The following MORC1 variants were observed in gnomAD, a reference collection of about 807,000 sequenced individuals.
The protein encoded by MORC1 is MORC family CW-type zinc finger 1.
MORC1 carries 59 observed loss-of-function variants against 134.9 expected under a neutral mutation model. That is an observed-to-expected ratio of 0.44 (90% confidence interval 0.35 to 0.54). MORC1 has a LOEUF of 0.54. Among genes scored for constraint, MORC1 ranks in the 20% least tolerant of loss-of-function variants. The pLI, the probability that MORC1 is intolerant of heterozygous loss-of-function variation, is 0.00. For missense variants in MORC1, 947 were observed against 1,134.5 expected (o/e 0.83, Z 2.37); for synonymous variants, 395 against 391.7 (o/e 1.01, Z -0.10).
intron 1 of MORC1, among the ~76,000 whole-genome samples, chr3:109,116,829 G>A (rs1285391025): frequency 6.6e-6 from 1 of 152,116 alleles, no homozygotes; most frequent in Admixed American, 6.5e-5. Context: ...TCTTCCATTT[G>A]TATCTAATTT....
rs1659659284 is a variant in MORC1 at position 108,958,855 on chromosome 3, A to T, written c.*110T>A. Reference sequence around the variant, plus strand: ...TGAAAAAAATTATTTCTTATTTCTTATTGTTAAACAGAATAGACTTTACAG... The same window carrying T: ...TGAAAAAAATTATTTCTTATTTCTTTTTGTTAAACAGAATAGACTTTACAG... On this transcript the variant is annotated 3_prime_UTR_variant, in exon 28 of 28. Transcript: ENST00000232603. The T allele has an allele frequency of 3.1e-6, 2 of 655,624 alleles. No homozygotes were observed. Among genetic ancestry groups the T allele is most frequent in the Admixed American group, 3.2e-5 (1 of 31,380 alleles). The allele number at this position is 655,624 out of a possible 1,614,324, so 40.6% of individuals were successfully genotyped here.
intron 23 of MORC1, among the ~76,000 whole-genome samples, chr3:108,983,981 G>T (rs949306616): frequency 1.3e-5 from 2 of 152,220 alleles, no homozygotes; most frequent in East Asian, 1.9e-4. Flanking sequence ...AGGAGTTTGT[G>T]ACTTACCTTA....
intron 14 of MORC1, among the ~76,000 whole-genome samples, chr3:109,041,610 A>G (rs1044634108): frequency 1.3e-5 from 2 of 152,112 alleles, no homozygotes; most frequent in Non-Finnish European, 2.9e-5. Context: ...GCACTTTCAG[A>G]GGCCAAGGCG....
intron 20 of MORC1, among the ~76,000 whole-genome samples, chr3:109,003,689 T>C (rs995067636): frequency 6.6e-6 from 1 of 152,198 alleles, no homozygotes; most frequent in East Asian, 1.9e-4. Flanking sequence ...TATAAAACTT[T>C]ACATTCAAGT....
intron 3 of MORC1, among the ~76,000 whole-genome samples, chr3:109,107,677 T>C (rs1000327095): frequency 6.6e-6 from 1 of 152,226 alleles, no homozygotes; most frequent in Non-Finnish European, 1.5e-5. Context: ...CAATCTTAGA[T>C]TAACTTTGTA....
chr3:109,094,784 T>C, intron 7 of MORC1, 125 bp downstream of exon 7: 1 of 873,328 alleles, frequency 1.1e-6, no homozygotes, highest in Non-Finnish European at 1.6e-6. Context: ...AATAAATGAC[T>C]GTCCCCAGTG....
intron 17 of MORC1, among the ~76,000 whole-genome samples, chr3:109,011,700 T>C (rs535823554): frequency 3.9e-5 from 6 of 152,260 alleles, no homozygotes; most frequent in East Asian, 3.9e-4. Flanking sequence ...TTTGTATTTT[T>C]AGCAGAGACG....
intron 14 of MORC1, among the ~76,000 whole-genome samples, chr3:109,045,892 C>T (rs549878900): frequency 1.9e-4 from 29 of 152,282 alleles, no homozygotes; most frequent in Admixed American, 3.3e-4. Context: ...CCTCATTTGA[C>T]ATGGCCATGT....
At chr3:109,065,989 G>C (rs942581252) in intron 9 of MORC1, among the ~76,000 whole-genome samples, 2 of 152,036 alleles carry the variant, frequency 1.3e-5, no homozygotes, top group African/African-American at 4.8e-5. Context: ...ATAAACATGA[G>C]AACAACAGAC....
intron 26 of MORC1, among the ~76,000 whole-genome samples, chr3:108,966,043 T>C (rs1209093877): frequency 1.3e-5 from 2 of 152,178 alleles, no homozygotes; most frequent in Non-Finnish European, 2.9e-5. Context: ...GGTAACACTT[T>C]TGACAACTTT....
intron 8 of MORC1, among the ~76,000 whole-genome samples, chr3:109,088,240 T>C (rs1022763635): frequency 2.6e-5 from 4 of 152,090 alleles, no homozygotes; most frequent in African/African-American, 9.7e-5. Flanking sequence ...CTAATTAAAC[T>C]TAAGAGTTTC....
chr3:109,074,732 T>C (rs1950384254), intron 8 of MORC1, among the ~76,000 whole-genome samples: 1 of 152,218 alleles, frequency 6.6e-6, no homozygotes, highest in Non-Finnish European at 1.5e-5. Context: ...TTATTTGCTA[T>C]GTACCAGACA....
chr3:109,105,334 C>T (rs1951008377), intron 3 of MORC1, among the ~76,000 whole-genome samples: 1 of 152,178 alleles, frequency 6.6e-6, no homozygotes, highest in Admixed American at 6.5e-5. Flanking sequence ...ACCATCCTGG[C>T]CAACATGGTG....
At chr3:109,077,196 T>C (rs9848269) in intron 8 of MORC1, among the ~76,000 whole-genome samples, 23 of 152,232 alleles carry the variant, frequency 1.5e-4, no homozygotes, top group Non-Finnish European at 1.3e-4. Flanking sequence ...ATAAAGACAC[T>C]TGTAGAGATA....
rs373728098 is a variant in MORC1, at chr3:109,061,422, ATTG to A, written c.966+563_966+565del. ...TTTAACTTATCTTACTCATGGGCAT[ATTG>A]TTAAGAATTACAAAGAATGTTTATG... On this transcript the variant is annotated intron_variant, in intron 11 of 27. Coordinates refer to ENST00000232603, the MANE Select transcript of MORC1 (RefSeq NM_014429.4). Among the ~76,000 whole-genome samples, 780 of 152,312 alleles carry A rather than the reference ATTG, an allele frequency of 5.1e-3. 4 individuals carry two copies. Among genetic ancestry groups the A allele is most frequent in the Non-Finnish European group, 8.7e-3 (592 of 68,022 alleles).
chr3:109,029,297 T>C (rs1949177076), intron 16 of MORC1, among the ~76,000 whole-genome samples: 1 of 152,210 alleles, frequency 6.6e-6, no homozygotes, highest in Non-Finnish European at 1.5e-5. Context: ...AGTGTTGATT[T>C]GAAGACATCT....
At chr3:109,113,718 T>C (rs1951216302) in intron 2 of MORC1, among the ~76,000 whole-genome samples, 1 of 151,912 alleles carries the variant, frequency 6.6e-6, no homozygotes, top group Admixed American at 6.6e-5. Flanking sequence ...AATACACTAC[T>C]GAGCAGAACT....
At chr3:108,967,417 G>A (rs1414874958) in intron 26 of MORC1, among the ~76,000 whole-genome samples, 1 of 152,140 alleles carries the variant, frequency 6.6e-6, no homozygotes, top group Non-Finnish European at 1.5e-5. Context: ...AGATCCAGGA[G>A]CCTTACAGAT....
At chr3:108,984,892 T>G (rs1014887560) in intron 22 of MORC1, 110 bp from the exon 23 acceptor site, 17 of 712,944 alleles carry the variant, frequency 2.4e-5, no homozygotes, top group South Asian at 7.9e-5. Context: ...GGATTTGTAT[T>G]GAAACATCCA....
Sources: allele counts gnomAD v4.1 joint callset (sites outside exome capture counted in the v4.1 genomes callset), GRCh38; gene constraint gnomAD v4.1.1; transcripts MANE v1.5; gene names NCBI Gene and HGNC (gene_info 2026-07-23, HGNC 2026-07-21).